The following KAT6B variants were observed in gnomAD, a reference collection of about 807,000 sequenced individuals.
KAT6B encodes histone acetyltransferase KAT6B.
In KAT6B, 10 loss-of-function variants were observed where a neutral mutation model predicts 187.5. The observed-to-expected ratio is 0.05, with a 90% CI of 0.03 to 0.09. The LOEUF (loss-of-function observed/expected upper bound fraction) is 0.09, where lower values mean the gene tolerates loss of function less well. Ranked by LOEUF, KAT6B falls within the 10% of genes least tolerant of loss-of-function variation. KAT6B has a pLI of 1.00. For synonymous variants in KAT6B, 861 were observed against 926.8 expected, an observed-to-expected ratio of 0.93 and a Z score of 1.29; for missense variants, 1,952 against 2,558.9, an observed-to-expected ratio of 0.76 and a Z score of 5.12.
chr10:74,988,995 T>A lies in KAT6B; in HGVS notation c.2536-24T>A, dbSNP rs761400678. The A allele has an allele frequency of 1.6e-5, 24 of 1,537,756 alleles. 1 individual carries two copies. The highest frequency in any genetic ancestry group is 2.2e-5 in the Non-Finnish European group (24 of 1,110,352). On this transcript the variant is annotated intron_variant, in intron 12 of 17. Coordinates refer to ENST00000287239, the MANE Select transcript of KAT6B (RefSeq NM_012330.4). The stretch of plus-strand genomic sequence containing the variant: ...CCACTTCAGCAGGGCTCTGACATAC[T>A]TGATCTGTTTCTCCTTCCCTCAGGA...
At chr10:74,942,765 C>CAAA (rs56276008) in intron 3 of KAT6B, among the ~76,000 whole-genome samples, 2,032 of 9,356 alleles carry the variant, frequency 0.22, 695 homozygotes, top group East Asian at 0.35. Flanking sequence ...AACTCCATCG[C>CAAA]AAAAAAAAAA....
chr10:74,947,000 G>A (rs188117641), intron 3 of KAT6B, among the ~76,000 whole-genome samples: 4 of 152,126 alleles, frequency 2.6e-5, no homozygotes, highest in African/African-American at 9.6e-5. Flanking sequence ...CTGTTTGTTT[G>A]TTATATTTGG....
chr10:74,932,703 A>G (rs1001716311), intron 3 of KAT6B, among the ~76,000 whole-genome samples: 13 of 152,178 alleles, frequency 8.5e-5, no homozygotes, highest in African/African-American at 3.1e-4. Flanking sequence ...TTACGCTGTG[A>G]ACCCTTTTAT....
chr10:74,857,098 A>G (rs754225764), intron 3 of KAT6B, among the ~76,000 whole-genome samples: 11 of 152,314 alleles, frequency 7.2e-5, no homozygotes, highest in Middle Eastern at 6.8e-3. Flanking sequence ...AATCTGTGCA[A>G]TGATACTTTG....
intron 3 of KAT6B, among the ~76,000 whole-genome samples, chr10:74,884,476 T>C (rs1485230570): frequency 1.3e-5 from 2 of 152,260 alleles, no homozygotes; most frequent in African/African-American, 2.4e-5. Context: ...TGTTTCCTTA[T>C]GTTGTTTTAA....
intron 13 of KAT6B, among the ~76,000 whole-genome samples, chr10:75,001,115 CT>C (rs1307289764): frequency 1.3e-5 from 2 of 152,042 alleles, no homozygotes; most frequent in Admixed American, 6.5e-5. Flanking sequence ...CTACAATAAA[CT>C]TTTGAGGAAA....
chr10:74,982,990 A>G (rs1031981288), intron 11 of KAT6B: 8 of 152,224 alleles, frequency 5.3e-5, no homozygotes, highest in African/African-American at 1.9e-4. Flanking sequence ...TCCTTCTCAG[A>G]CAGGTCTGGG....
rs571402072 is a variant in KAT6B, at chr10:74,945,377, G to A, written c.622-14593G>A. 5.3e-5 allele frequency among the ~76,000 whole-genome samples: 8 copies of A among 152,320 alleles called. No homozygotes were observed. The South Asian group carries it at 1.7e-3, about 32-fold the overall frequency. On this transcript the variant is annotated intron_variant, in intron 3 of 17. Coordinates refer to ENST00000287239, the MANE Select transcript of KAT6B (RefSeq NM_012330.4). ...CCTGGGTCTGAAAAGGGAAGAGAAT[G>A]CAGGAAGGAACATTTTGGGGTGATG...
intron 3 of KAT6B, among the ~76,000 whole-genome samples, chr10:74,931,581 T>C (rs1404011414): frequency 6.6e-6 from 1 of 152,192 alleles, no homozygotes; most frequent in Non-Finnish European, 1.5e-5. Context: ...CCATGTGAAC[T>C]TACATTAGAA....
At chr10:74,981,306 T>TCTTC (rs558339853) in intron 10 of KAT6B, among the ~76,000 whole-genome samples, 1,937 of 139,988 alleles carry the variant, frequency 0.014, 28 homozygotes, top group South Asian at 0.034. Context: ...TTTCTTTCTT[T>TCTTC]CTTCCTTCCT....
In KAT6B at chr10:74,910,688, A is replaced by G. The variant is rs79501640; in HGVS notation, c.622-49282A>G. Among the ~76,000 whole-genome samples the G allele has an allele frequency of 7.9e-5, 12 of 151,814 alleles. No homozygotes were observed. The East Asian group carries it at 2.3e-3, about 29-fold the overall frequency. ...CACTCTCCCTGATTTTTCAAACATCATGGACTACAGATCTGCAACCTCCCT... is the reference window on the plus strand; with the variant it reads ...CACTCTCCCTGATTTTTCAAACATCGTGGACTACAGATCTGCAACCTCCCT... On this transcript the variant is annotated intron_variant, in intron 3 of 17. Transcript: ENST00000287239.
chr10:74,976,677 T>A, intron 8 of KAT6B: 1 of 380,880 alleles, frequency 2.6e-6, no homozygotes, highest in Non-Finnish European at 5.0e-6. Context: ...ATGTCACCTC[T>A]GCAGCCACAG....
At chr10:74,826,166 G>A (rs1308530075), upstream of KAT6B, among the ~76,000 whole-genome samples, 2 of 152,120 alleles carry the variant, frequency 1.3e-5, no homozygotes, top group East Asian at 1.9e-4. Flanking sequence ...AGAGGGAAAA[G>A]GCCTCCTGAT....
chr10:74,836,313 A>G (rs1296506723), intron 1 of KAT6B, among the ~76,000 whole-genome samples: 4 of 152,178 alleles, frequency 2.6e-5, no homozygotes, highest in African/African-American at 7.2e-5. Context: ...TCTGTTCTCA[A>G]TTCTTTTGAG....
chr10:74,860,846 A>C (rs1345487570), intron 3 of KAT6B, among the ~76,000 whole-genome samples: 1 of 152,058 alleles, frequency 6.6e-6, no homozygotes, highest in Non-Finnish European at 1.5e-5. Context: ...AAAAATACAA[A>C]AATTAGCTGG....
At chr10:74,850,195 G>A (rs1474684799) in intron 3 of KAT6B, among the ~76,000 whole-genome samples, 1 of 152,152 alleles carries the variant, frequency 6.6e-6, no homozygotes, top group Non-Finnish European at 1.5e-5. Flanking sequence ...GCCTCGGCCT[G>A]TGGTGGCTTT....
At chr10:74,897,089 A>G (rs758733960) in intron 3 of KAT6B, among the ~76,000 whole-genome samples, 2 of 152,328 alleles carry the variant, frequency 1.3e-5, no homozygotes, top group Admixed American at 1.3e-4. Flanking sequence ...AGATTATGCC[A>G]TACTGGGATT....
chr10:74,911,507 ATCCGCCTGCT>A (rs1410849330), intron 3 of KAT6B, among the ~76,000 whole-genome samples: 1 of 152,054 alleles, frequency 6.6e-6, no homozygotes, highest in Non-Finnish European at 1.5e-5. Flanking sequence ...ACCTCAAGTG[ATCCGCCTGCT>A]TCAGCCTCCC....
At chr10:75,011,002 C>T (rs1021968707) in intron 13 of KAT6B, among the ~76,000 whole-genome samples, 1 of 152,132 alleles carries the variant, frequency 6.6e-6, no homozygotes, top group African/African-American at 2.4e-5. Flanking sequence ...CATCTTAAAG[C>T]CTTTCAGTGG....
Sources: allele counts gnomAD v4.1 joint callset (sites outside exome capture counted in the v4.1 genomes callset), GRCh38; gene constraint gnomAD v4.1.1; transcripts MANE v1.5; gene names NCBI Gene and HGNC (gene_info 2026-07-23, HGNC 2026-07-21).